EHBP1: variants seen among roughly 807,000 people sequenced by gnomAD.
The protein encoded by EHBP1 is EH domain-binding protein 1.
EHBP1 carries 55 observed loss-of-function variants against 144.0 expected under a neutral mutation model. The observed-to-expected ratio is 0.38, with a 90% CI of 0.31 to 0.48. The LOEUF (loss-of-function observed/expected upper bound fraction) is 0.48, where lower values mean the gene tolerates loss of function less well. EHBP1 is among the 20% of genes least tolerant of loss of function. The pLI, the probability that EHBP1 is intolerant of heterozygous loss-of-function variation, is 0.98. For synonymous variants in EHBP1, 469 were observed against 472.7 expected, an observed-to-expected ratio of 0.99 and a Z score of 0.10; for missense variants, 1,200 against 1,364.2, an observed-to-expected ratio of 0.88 and a Z score of 1.90.
rs796686197 is a variant in EHBP1, at chr2:62,879,604, G to A, written c.1185+5072G>A. Among the ~76,000 whole-genome samples the A allele has an allele frequency of 4.1e-4, 61 of 148,330 alleles. 1 individual carries two copies. Among genetic ancestry groups the A allele is most frequent in the African/African-American group, 1.3e-3 (53 of 40,706 alleles). On this transcript the variant is annotated intron_variant, in intron 10 of 22. Transcript: ENST00000431489. Reference sequence around the variant, plus strand: ...ACACACACACACAGAGACAGAGAGAGAGAGAGAGGGAGAGAGGGAGAGAGA... The same window carrying A: ...ACACACACACACAGAGACAGAGAGAAAGAGAGAGGGAGAGAGGGAGAGAGA...
At chr2:62,847,992 C>G (rs970350260) in intron 7 of EHBP1, among the ~76,000 whole-genome samples, 3 of 151,178 alleles carry the variant, frequency 2.0e-5, no homozygotes, top group Non-Finnish European at 2.9e-5. Context: ...ATTGGCACTA[C>G]TAAATGTTGG....
At chr2:62,880,533 G>A (rs1157829156) in intron 10 of EHBP1, among the ~76,000 whole-genome samples, 1 of 151,802 alleles carries the variant, frequency 6.6e-6, no homozygotes, top group Non-Finnish European at 1.5e-5. Flanking sequence ...AAATCCATAG[G>A]TAACTTAAAT....
chr2:62,823,570 C>T (rs1362181420), intron 5 of EHBP1, among the ~76,000 whole-genome samples: 7 of 151,940 alleles, frequency 4.6e-5, no homozygotes, highest in Non-Finnish European at 2.9e-5. Context: ...CTTATAGAAC[C>T]GATTATAGCA....
chr2:63,031,676 C>T (rs1437979517), intron 19 of EHBP1, among the ~76,000 whole-genome samples: 1 of 152,164 alleles, frequency 6.6e-6, no homozygotes, highest in African/African-American at 2.4e-5. Context: ...CACCTGTAAT[C>T]CCAGCACTTT....
chr2:62,963,050 G>C (rs2058074037), intron 14 of EHBP1, among the ~76,000 whole-genome samples: 1 of 152,116 alleles, frequency 6.6e-6, no homozygotes, highest in South Asian at 2.1e-4. Context: ...AAGACCTGAA[G>C]GAACGTTTGA....
At chr2:62,693,029 C>T (rs780932694) in intron 1 of EHBP1, among the ~76,000 whole-genome samples, 65 of 152,124 alleles carry the variant, frequency 4.3e-4, no homozygotes, top group Non-Finnish European at 7.5e-4. Context: ...ACTACCCTTC[C>T]CAGCCTCTGG....
chr2:62,817,880 C>T (rs550211322), intron 5 of EHBP1, among the ~76,000 whole-genome samples: 24 of 152,100 alleles, frequency 1.6e-4, no homozygotes, highest in South Asian at 6.2e-4. Context: ...TTCCTTGATT[C>T]GTGCACTTTA....
upstream of EHBP1, among the ~76,000 whole-genome samples, chr2:62,704,786 T>C (rs913876812): frequency 6.6e-6 from 1 of 152,176 alleles, no homozygotes; most frequent in Non-Finnish European, 1.5e-5. Flanking sequence ...GAACACTTTT[T>C]CCCCCTTGAG....
At position 62,840,108 on chromosome 2, in the gene EHBP1, C is replaced by A. The variant is rs543862200; in HGVS notation, c.634+8950C>A. ...AAACTATACTACAAGGCTACAGTAACCAAAACAGCATGGTACTGGTACCAA... is the reference window on the plus strand; with the variant it reads ...AAACTATACTACAAGGCTACAGTAAACAAAACAGCATGGTACTGGTACCAA... On this transcript the variant is annotated intron_variant, in intron 7 of 22. Transcript: ENST00000431489. 6.0e-5 allele frequency among the ~76,000 whole-genome samples: 9 copies of A among 151,130 alleles called. No homozygotes were observed. The South Asian group carries it at 1.3e-3, about 21-fold the overall frequency.
At chr2:62,999,263 C>T (rs981400701) in intron 19 of EHBP1, among the ~76,000 whole-genome samples, 1 of 152,116 alleles carries the variant, frequency 6.6e-6, no homozygotes, top group Non-Finnish European at 1.5e-5. Flanking sequence ...AACAAATATA[C>T]TTTATCTGCT....
chr2:62,867,962 G>A (rs549213633), intron 9 of EHBP1, among the ~76,000 whole-genome samples: 7 of 152,168 alleles, frequency 4.6e-5, no homozygotes, highest in African/African-American at 9.6e-5. Flanking sequence ...AAGAAATGAT[G>A]CTAGAACAAT....
rs1329832511 is a variant in EHBP1 at position 62,840,237 on chromosome 2, G to T, written c.634+9079G>T. ...AAACCTGAGAAAAACAAGCAATGGG[G>T]AAAGGAATCCCTATTTAATAAATGG... On this transcript the variant is annotated intron_variant, in intron 7 of 22. Transcript: ENST00000431489. 4.0e-5 allele frequency among the ~76,000 whole-genome samples: 6 copies of T among 150,904 alleles called. No homozygotes were observed. In the South Asian group the frequency reaches 1.3e-3, roughly 32 times the overall value.
At chr2:63,023,644 T>C (rs568545423) in intron 19 of EHBP1, among the ~76,000 whole-genome samples, 1 of 152,300 alleles carries the variant, frequency 6.6e-6, no homozygotes, top group East Asian at 1.9e-4. Context: ...TCTGAATTAA[T>C]AGCACCACTT....
chr2:62,715,948 C>T (rs192878391), intron 2 of EHBP1, among the ~76,000 whole-genome samples: 268 of 152,282 alleles, frequency 1.8e-3, no homozygotes, highest in African/African-American at 5.9e-3. Flanking sequence ...ACCCTATTAT[C>T]GCTAAGATAA....
chr2:62,762,785 C>T (rs1406299612), intron 3 of EHBP1, among the ~76,000 whole-genome samples: 1 of 151,882 alleles, frequency 6.6e-6, no homozygotes, highest in Non-Finnish European at 1.5e-5. Flanking sequence ...CTCCCTGTTT[C>T]TCTCTTATGT....
chr2:62,808,560 T>C (rs7604072), intron 5 of EHBP1, among the ~76,000 whole-genome samples: 1 of 152,234 alleles, frequency 6.6e-6, no homozygotes, highest in Non-Finnish European at 1.5e-5. Context: ...AGCATATTAA[T>C]TATCATTTTA....
At chr2:62,734,496 G>T (rs2152058608) in intron 2 of EHBP1, among the ~76,000 whole-genome samples, 1 of 150,832 alleles carries the variant, frequency 6.6e-6, no homozygotes, top group East Asian at 1.9e-4. Flanking sequence ...ATTAGTATTA[G>T]CATGGTATAT....
intron 10 of EHBP1, among the ~76,000 whole-genome samples, chr2:62,888,041 A>T (rs2052088189): frequency 6.6e-6 from 1 of 152,224 alleles, no homozygotes; most frequent in South Asian, 2.1e-4. Flanking sequence ...GGATGTGTGC[A>T]CTTCATGGCC....
chr2:62,839,752 A>T (rs1411617972), intron 7 of EHBP1, among the ~76,000 whole-genome samples: 1 of 152,206 alleles, frequency 6.6e-6, no homozygotes, highest in Non-Finnish European at 1.5e-5. Flanking sequence ...CTTCAAAGAG[A>T]ATAAAATACC....
Sources: gnomAD v4.1 joint callset for allele counts (sites outside exome capture counted in the v4.1 genomes callset) on GRCh38, gnomAD v4.1.1 for gene constraint, MANE v1.5 for transcripts, NCBI Gene and HGNC (gene_info 2026-07-23, HGNC 2026-07-21) for gene names.